Variants in MOB3B observed in about 807,000 individuals in gnomAD.
The protein encoded by MOB3B is MOB kinase activator-like 2B.
Under a neutral mutation model 18.7 loss-of-function variants are expected in MOB3B, and 7 were observed. The observed-to-expected ratio is 0.37, with a 90% CI of 0.21 to 0.70. The LOEUF (loss-of-function observed/expected upper bound fraction) is 0.70, where lower values mean the gene tolerates loss of function less well. MOB3B is among the 30% of genes least tolerant of loss of function. MOB3B has a pLI of 0.52. For missense variants in MOB3B, 253 were observed against 281.3 expected (o/e 0.90, Z 0.72); for synonymous variants, 111 against 99.9 (o/e 1.11, Z -0.66).
At chr9:27,519,452 C>T (rs1032020753) in intron 1 of MOB3B, among the ~76,000 whole-genome samples, 1 of 152,138 alleles carries the variant, frequency 6.6e-6, no homozygotes, top group African/African-American at 2.4e-5. Flanking sequence ...TCCTGTATTG[C>T]CAATTTTAAA....
chr9:27,364,738 C>T (rs1821319374), intron 2 of MOB3B, among the ~76,000 whole-genome samples: 1 of 151,420 alleles, frequency 6.6e-6, no homozygotes, highest in Non-Finnish European at 1.5e-5. Context: ...ATTACATAAA[C>T]ATCTAAAAGG....
At chr9:27,380,395 C>T (rs1275240052) in intron 2 of MOB3B, among the ~76,000 whole-genome samples, 1 of 151,566 alleles carries the variant, frequency 6.6e-6, no homozygotes, top group East Asian at 1.9e-4. Flanking sequence ...CCCGCCATGA[C>T]ACCCAGCTAA....
At chr9:27,363,084 A>T (rs1821295955) in intron 2 of MOB3B, among the ~76,000 whole-genome samples, 1 of 152,196 alleles carries the variant, frequency 6.6e-6, no homozygotes, top group African/African-American at 2.4e-5. Flanking sequence ...GAGCCAGTTC[A>T]TGAAAACTGA....
At chr9:27,481,513 T>TTG (rs1819652921) in intron 1 of MOB3B, among the ~76,000 whole-genome samples, 2 of 131,662 alleles carry the variant, frequency 1.5e-5, no homozygotes, top group South Asian at 2.4e-4. Context: ...TTTTTTTTGT[T>TTG]TTTTTTGTTT....
chr9:27,376,700 G>T lies in MOB3B; in HGVS notation c.419-17464C>A, dbSNP rs574678914. 5.3e-5 allele frequency among the ~76,000 whole-genome samples: 8 copies of T among 152,310 alleles called. No individual in the cohort carries two copies. The East Asian group carries it at 1.5e-3, about 29-fold the overall frequency. ...TTGAGAAATACTGGCCTACAGAAGT[G>T]ATTCTTTAAGTGTGGTCTCCGGACC... On this transcript the variant is annotated intron_variant, in intron 2 of 3. Transcript: ENST00000262244.
chr9:27,498,175 C>T (rs995395914), intron 1 of MOB3B, among the ~76,000 whole-genome samples: 1 of 152,156 alleles, frequency 6.6e-6, no homozygotes, highest in African/African-American at 2.4e-5. Flanking sequence ...GGTGTTCTCA[C>T]ACTCCAAAAG....
intron 1 of MOB3B, among the ~76,000 whole-genome samples, chr9:27,462,061 A>G (rs1287981865): frequency 6.6e-6 from 1 of 152,214 alleles, no homozygotes; most frequent in Non-Finnish European, 1.5e-5. Flanking sequence ...GACAAAGATG[A>G]AGACCTTTTG....
At position 27,529,619 on chromosome 9, in the gene MOB3B, G is replaced by C. The variant is rs1040155274; in HGVS notation, c.-263C>G. 1.0e-6 allele frequency: 1 copy of C among 985,730 alleles called. No individual in the cohort carries two copies. The highest frequency in any genetic ancestry group is 1.2e-6 in the Non-Finnish European group (1 of 830,170). 61.1% of individuals were successfully genotyped at this position (985,730 alleles called of 1,614,324 possible). On this transcript the variant is annotated 5_prime_UTR_variant, in exon 1 of 4. Transcript: ENST00000262244. ...CTTCGCCGGGTCAGCTGCAGCCAGC[G>C]CGAAAGAAAATGGTGAGCTCGGGGC...
intron 1 of MOB3B, among the ~76,000 whole-genome samples, chr9:27,500,171 A>G (rs953860990): frequency 5.9e-5 from 9 of 151,280 alleles, no homozygotes; most frequent in Admixed American, 5.9e-4. Context: ...AGTCTGGTTC[A>G]CCTTATTTAG....
At position 27,449,656 on chromosome 9, in the gene MOB3B, A is replaced by C. The variant is rs796680510; in HGVS notation, c.418+5477T>G. On this transcript the variant is annotated intron_variant, in intron 2 of 3. Transcript: ENST00000262244. ...TTACAAAGATTTCTATCAAAATAAA[A>C]ACCATGTGAGAGACATACAATAGAA... Among the ~76,000 whole-genome samples the C allele has an allele frequency of 2.0e-5, 3 of 152,286 alleles. No homozygotes were observed. The South Asian group carries it at 6.2e-4, about 32-fold the overall frequency.
intron 2 of MOB3B, among the ~76,000 whole-genome samples, chr9:27,424,343 A>G (rs1301503303): frequency 6.6e-6 from 1 of 152,234 alleles, no homozygotes; most frequent in Non-Finnish European, 1.5e-5. Context: ...CCATGTCCCA[A>G]GACGTGCTAG....
rs146588377 is a variant in MOB3B, at chr9:27,524,414, A to C, written c.-199+5141T>G. 131 of 1,614,104 alleles carry C rather than the reference A, an allele frequency of 8.1e-5. No individual in the cohort carries two copies. The African/African-American group carries it at 1.5e-3, about 18-fold the overall frequency. On this transcript the variant is annotated intron_variant, in intron 1 of 3. Coordinates refer to ENST00000262244, the MANE Select transcript of MOB3B (RefSeq NM_024761.5). ...TGGGTATATTCATTGCTGGCACCCT[A>C]TCCCTGGACTGTAACTTACTGAACG...
intron 2 of MOB3B, among the ~76,000 whole-genome samples, chr9:27,385,742 C>T (rs917770696): frequency 1.3e-5 from 2 of 152,216 alleles, no homozygotes; most frequent in Admixed American, 6.5e-5. Context: ...AGAAAACACA[C>T]TTGAAGTTAA....
chr9:27,400,562 C>T (rs910520088), intron 2 of MOB3B, among the ~76,000 whole-genome samples: 1 of 152,210 alleles, frequency 6.6e-6, no homozygotes, highest in Non-Finnish European at 1.5e-5. Flanking sequence ...GAATCATTCC[C>T]TTCTCAGAGG....
chr9:27,525,112 AAG>A, intron 1 of MOB3B: 4 of 651,624 alleles, frequency 6.1e-6, no homozygotes, highest in Non-Finnish European at 1.0e-5. Flanking sequence ...TCACCTCTCT[AAG>A]GAGAGGTAAT....
chr9:27,369,994 C>T, intron 2 of MOB3B, among the ~76,000 whole-genome samples: 1 of 137,728 alleles, frequency 7.3e-6, no homozygotes, highest in Admixed American at 7.6e-5. Flanking sequence ...TGTCAGGGAT[C>T]TTTCTTGTTC....
At chr9:27,458,125 T>A (rs1819212711) in intron 1 of MOB3B, among the ~76,000 whole-genome samples, 1 of 152,222 alleles carries the variant, frequency 6.6e-6, no homozygotes, top group African/African-American at 2.4e-5. Flanking sequence ...CCCTCATGTC[T>A]TGAACAAATG....
At chr9:27,505,720 T>C (rs544749323) in intron 1 of MOB3B, among the ~76,000 whole-genome samples, 20 of 152,210 alleles carry the variant, frequency 1.3e-4, no homozygotes, top group Admixed American at 2.6e-4. Flanking sequence ...TCTCCTGGAG[T>C]GGTTTCTTCT....
chr9:27,336,674 C>A (rs976744161), intron 3 of MOB3B, among the ~76,000 whole-genome samples: 1 of 152,052 alleles, frequency 6.6e-6, no homozygotes, highest in Non-Finnish European at 1.5e-5. Flanking sequence ...TTCTCACTAA[C>A]CATTTTAAAG....
Sources: allele counts gnomAD v4.1 joint callset (sites outside exome capture counted in the v4.1 genomes callset), GRCh38; gene constraint gnomAD v4.1.1; transcripts MANE v1.5; gene names NCBI Gene and HGNC (gene_info 2026-07-23, HGNC 2026-07-21).